LYPD1: variants seen among roughly 807,000 people sequenced by gnomAD.
The protein encoded by LYPD1 is LY6/PLAUR domain containing 1.
Under a neutral mutation model 14.2 loss-of-function variants are expected in LYPD1, and 14 were observed. That is an observed-to-expected ratio of 0.99 (90% confidence interval 0.65 to 1.54). The LOEUF is 1.54. Ranked by LOEUF, LYPD1 falls within the 40% of genes most tolerant of loss-of-function variation. LYPD1 has a pLI of 0.00. For missense variants in LYPD1, 165 were observed against 175.7 expected (o/e 0.94, Z 0.34); for synonymous variants, 85 against 70.6 (o/e 1.20, Z -1.02).
chr2:132,645,715 T>C lies in LYPD1; in HGVS notation c.*330A>G. The C allele has an allele frequency of 7.0e-7, 1 of 1,433,390 alleles. No individual in the cohort carries two copies. Among genetic ancestry groups the C allele is most frequent in the Non-Finnish European group, 9.3e-7 (1 of 1,070,560 alleles). The allele number at this position is 1,433,390 out of a possible 1,614,324, so 88.8% of individuals were successfully genotyped here. A position where few individuals can be genotyped will look rare whatever the true frequency, so the allele number is the denominator to read the frequency against. On this transcript the variant is annotated 3_prime_UTR_variant, in exon 3 of 3. Transcript: ENST00000397463. ...CCCCCATCAGGGATGGAATGGACAC[T>C]GGAGGCTTTACAAAAGGCAGATGCC...
intron 2 of LYPD1, among the ~76,000 whole-genome samples, chr2:132,647,038 A>G (rs751357608): frequency 1.8e-4 from 28 of 152,228 alleles, no homozygotes; most frequent in Non-Finnish European, 1.5e-4. Flanking sequence ...CAGTCATCAA[A>G]TTAGGGTGTC....
At chr2:132,648,354 C>T (rs1682220686) in intron 2 of LYPD1, among the ~76,000 whole-genome samples, 1 of 152,214 alleles carries the variant, frequency 6.6e-6, no homozygotes. Flanking sequence ...CCTGCCTGTT[C>T]CAGGCCCTCC....
intron 2 of LYPD1, among the ~76,000 whole-genome samples, chr2:132,664,100 C>G (rs1181277241): frequency 6.6e-6 from 1 of 152,004 alleles, no homozygotes; most frequent in Non-Finnish European, 1.5e-5. Flanking sequence ...TGAGTGCATG[C>G]ACTCAAAAGA....
rs1681958171 is a variant in LYPD1, at chr2:132,644,706, C to T, written c.*1339G>A. On this transcript the variant is annotated 3_prime_UTR_variant, in exon 3 of 3. Coordinates refer to ENST00000397463, the MANE Select transcript of LYPD1 (RefSeq NM_144586.7). ...AATACAAACACTGCTTTATCTAATG[C>T]AGCTATACTGTATGTATACATCTTT... The T allele has an allele frequency of 5.8e-6, 1 of 172,954 alleles. No individual in the cohort carries two copies. Among genetic ancestry groups the T allele is most frequent in the Non-Finnish European group, 1.2e-5 (1 of 81,904 alleles). The allele number at this position is 172,954 out of a possible 1,614,324, so 10.7% of individuals were successfully genotyped here. A position where few individuals can be genotyped will look rare whatever the true frequency, so the allele number is the denominator to read the frequency against.
chr2:132,663,650 A>G (rs759888884), intron 2 of LYPD1, among the ~76,000 whole-genome samples: 6 of 152,182 alleles, frequency 3.9e-5, no homozygotes, highest in Non-Finnish European at 7.3e-5. Context: ...TTTGTTTTGC[A>G]CTTTATTCAT....
In LYPD1 at chr2:132,668,453, C is replaced by T; in HGVS notation, c.137G>A (p.Cys46Tyr). The change falls in exon 2 of 3, where the codon TGC becomes TAC. Residue 46 changes from cysteine (C) to tyrosine (Y), a missense_variant. By Grantham distance (194) the Cys-to-Tyr change is radical (BLOSUM62 -2). Transcript: ENST00000397463. ...DCSSPEFIVN[C>Y]TVNVQDMCQK... ...ACACATGTCTTGAACGTTCACCGTG[C>T]AATTCACAATGAACTCGGGGGAGGA... 2.5e-6 allele frequency: 4 copies of T among 1,610,868 alleles called. No homozygotes were observed. Among genetic ancestry groups the T allele is most frequent in the East Asian group, 2.2e-5 (1 of 44,624 alleles).
Position 132,669,346 on chromosome 2 carries a change from C to A in LYPD1, c.52+535G>T, listed in dbSNP as rs551976160. Among the ~76,000 whole-genome samples the A allele has an allele frequency of 8.4e-4, 128 of 152,126 alleles. No homozygotes were observed. Among genetic ancestry groups the A allele is most frequent in the African/African-American group, 3.0e-3 (126 of 41,452 alleles). ...CTGGAGAGAGGACGCGAGACCTTTGCGCCTCTGGACGCTTCGGCCTGGCTG... is the reference window on the plus strand; with the variant it reads ...CTGGAGAGAGGACGCGAGACCTTTGAGCCTCTGGACGCTTCGGCCTGGCTG... On this transcript the variant is annotated intron_variant, in intron 1 of 2. Transcript: ENST00000397463. This position sits in a 1 kb window ranked among gnomAD's most constrained non-coding sequence, Gnocchi z 4.3.
intron 2 of LYPD1, among the ~76,000 whole-genome samples, chr2:132,661,035 C>T (rs1682903665): frequency 1.3e-5 from 2 of 152,206 alleles, no homozygotes; most frequent in African/African-American, 2.4e-5. Flanking sequence ...CTCCCTTCTG[C>T]ACCACAGTGT....
At chr2:132,648,277 AT>A (rs3832028) in intron 2 of LYPD1, among the ~76,000 whole-genome samples, 25,494 of 152,280 alleles carry the variant, frequency 0.17, 2,701 homozygotes, top group East Asian at 0.24. Flanking sequence ...TTAAAAAAAT[AT>A]TTACTGAATG....
chr2:132,669,945 C>T lies in LYPD1; in HGVS notation c.-13G>A, dbSNP rs1489276174. On this transcript the variant is annotated 5_prime_UTR_variant, in exon 1 of 3. Transcript: ENST00000397463. The surrounding 1 kb of genome is among the most constrained non-coding windows in gnomAD (Gnocchi z 4.3). ...CTAGGACCCACATTCTCCCGGAGTC[C>T]CGGGGCCGGGAGAGGGCAAGCGCAT... 6.2e-7 allele frequency: 1 copy of T among 1,611,834 alleles called. No homozygotes were observed. Among genetic ancestry groups the T allele is most frequent in the East Asian group, 2.2e-5 (1 of 44,700 alleles).
chr2:132,669,499 T>C lies in LYPD1; in HGVS notation c.52+382A>G, dbSNP rs1683506415. On this transcript the variant is annotated intron_variant, in intron 1 of 2. Coordinates refer to ENST00000397463, the MANE Select transcript of LYPD1 (RefSeq NM_144586.7). This position sits in a 1 kb window ranked among gnomAD's most constrained non-coding sequence, Gnocchi z 4.3. ...GGCTGCCTCGCGCATCGCTCACCTGTCGGCGGCGCCACTCCCACGGGGTGC... is the reference window on the plus strand; with the variant it reads ...GGCTGCCTCGCGCATCGCTCACCTGCCGGCGGCGCCACTCCCACGGGGTGC... 6.6e-6 allele frequency among the ~76,000 whole-genome samples: 1 copy of C among 151,886 alleles called. No homozygotes were observed. Among genetic ancestry groups the C allele is most frequent in the Admixed American group, 6.6e-5 (1 of 15,264 alleles).
chr2:132,660,064 G>A (rs1225936101), intron 2 of LYPD1, among the ~76,000 whole-genome samples: 4 of 152,182 alleles, frequency 2.6e-5, no homozygotes, highest in Non-Finnish European at 2.9e-5. Context: ...TGAGAGCCGC[G>A]TGCCTGGCGC....
At chr2:132,663,385 C>T (rs1193946006) in intron 2 of LYPD1, among the ~76,000 whole-genome samples, 4 of 152,136 alleles carry the variant, frequency 2.6e-5, no homozygotes, top group Admixed American at 6.5e-5. Flanking sequence ...GCAATTCTCA[C>T]GTCTCAGCCT....
Position 132,670,091 on chromosome 2 carries a change from G to T in LYPD1, c.-159C>A, listed in dbSNP as rs760422626. 13 of 1,470,630 alleles carry T rather than the reference G, an allele frequency of 8.8e-6. No homozygotes were observed. The South Asian group carries it at 1.7e-4, about 19-fold the overall frequency. The allele number at this position is 1,470,630 out of a possible 1,614,324, so 91.1% of individuals were successfully genotyped here. ...GTAGCTTAGAGGAGCCGCAGGTGCC[G>T]CTCGCGGAGCCTGCATCGCCCGCGC... On this transcript the variant is annotated 5_prime_UTR_variant, in exon 1 of 3. Transcript: ENST00000397463. The surrounding 1 kb of genome is among the most constrained non-coding windows in gnomAD (Gnocchi z 4.5).
chr2:132,649,341 G>A (rs1397230697), intron 2 of LYPD1, among the ~76,000 whole-genome samples: 2 of 152,156 alleles, frequency 1.3e-5, no homozygotes, highest in African/African-American at 4.8e-5. Context: ...GTGAGGCTGG[G>A]GCAGAGGGAC....
intron 2 of LYPD1, among the ~76,000 whole-genome samples, chr2:132,649,243 A>C (rs906336301): frequency 6.6e-6 from 1 of 152,130 alleles, no homozygotes; most frequent in African/African-American, 2.4e-5. Context: ...TCAGAAAACA[A>C]AGGCATTTTA....
chr2:132,646,529 CCTGTTAATAAAGAG>C (rs1364603772), intron 2 of LYPD1: 1 of 380,182 alleles, frequency 2.6e-6, no homozygotes, highest in Non-Finnish European at 4.6e-6. Flanking sequence ...CCTGTGAATA[CCTGTTAATAAAGAG>C]CTGTTAAATA....
At chr2:132,666,064 A>T (rs1325872346) in intron 2 of LYPD1, among the ~76,000 whole-genome samples, 1 of 152,200 alleles carries the variant, frequency 6.6e-6, no homozygotes. Flanking sequence ...GCATGAGGAA[A>T]CAAGATCCTG....
chr2:132,660,001 G>C (rs941438852), intron 2 of LYPD1, among the ~76,000 whole-genome samples: 1 of 152,218 alleles, frequency 6.6e-6, no homozygotes, highest in Non-Finnish European at 1.5e-5. Context: ...ATTGCAAACT[G>C]CTCTGCACAT....
Sources: allele counts gnomAD v4.1 joint callset (sites outside exome capture counted in the v4.1 genomes callset), GRCh38; gene constraint gnomAD v4.1.1; non-coding constraint Gnocchi (gnomAD v3.1); transcripts MANE v1.5; gene names NCBI Gene and HGNC (gene_info 2026-07-23, HGNC 2026-07-21).